HEG1: variants seen among roughly 807,000 people sequenced by gnomAD.
HEG1 encodes protein HEG homolog 1.
In HEG1, 56 loss-of-function variants were observed where a neutral mutation model predicts 125.6. The ratio of observed to expected loss-of-function variants is 0.45; its 90% CI spans 0.36 to 0.56. The LOEUF is 0.56. Ranked by LOEUF, HEG1 falls within the 20% of genes least tolerant of loss-of-function variation. HEG1 has a pLI of 0.00. For synonymous variants in HEG1, 644 were observed against 668.5 expected (o/e 0.96, Z 0.57); for missense variants, 1,523 against 1,670.0 (o/e 0.91, Z 1.53).
chr3:125,041,225 C>A (rs1299677745), intron 1 of HEG1, among the ~76,000 whole-genome samples: 1 of 152,166 alleles, frequency 6.6e-6, no homozygotes, highest in Non-Finnish European at 1.5e-5. Flanking sequence ...TTCATTCTGG[C>A]CAAAGTTACC....
intron 1 of HEG1, among the ~76,000 whole-genome samples, chr3:125,054,100 A>T (rs1937874525): frequency 6.6e-6 from 1 of 152,074 alleles, no homozygotes; most frequent in Non-Finnish European, 1.5e-5. Flanking sequence ...GTTTAGAAAA[A>T]CTCACAAAAT....
intron 2 of HEG1, among the ~76,000 whole-genome samples, chr3:125,027,812 C>T (rs1937440279): frequency 6.6e-6 from 1 of 152,162 alleles, no homozygotes; most frequent in African/African-American, 2.4e-5. Context: ...ATCCACATTC[C>T]ACCAGATTGG....
chr3:125,016,123 G>C (rs1250499451), intron 5 of HEG1, among the ~76,000 whole-genome samples: 1 of 152,176 alleles, frequency 6.6e-6, no homozygotes, highest in African/African-American at 2.4e-5. Context: ...TCTTGGATGG[G>C]GAGATCCTAA....
At chr3:125,040,103 C>T (rs143393389) in intron 1 of HEG1, among the ~76,000 whole-genome samples, 106 of 152,182 alleles carry the variant, frequency 7.0e-4, no homozygotes, top group East Asian at 4.4e-3. Flanking sequence ...GGAGCCATAA[C>T]GGAGAATGAG....
chr3:125,024,600 C>A (rs918897756), intron 3 of HEG1, among the ~76,000 whole-genome samples: 22 of 152,238 alleles, frequency 1.4e-4, no homozygotes, highest in African/African-American at 5.3e-4. Flanking sequence ...GGTTTCTGAT[C>A]TCTTTTTAAA....
At chr3:125,049,279 C>T (rs1937750513) in intron 1 of HEG1, among the ~76,000 whole-genome samples, 1 of 152,152 alleles carries the variant, frequency 6.6e-6, no homozygotes, top group Admixed American at 6.5e-5. Flanking sequence ...CTTCACAGAC[C>T]TCCACATATG....
chr3:125,024,108 G>C (rs1309090365), intron 3 of HEG1, among the ~76,000 whole-genome samples: 2 of 152,168 alleles, frequency 1.3e-5, no homozygotes, highest in African/African-American at 4.8e-5. Context: ...TTCATAAGTT[G>C]AGATACATTA....
chr3:125,028,302 C>T (rs2107707021), intron 2 of HEG1, among the ~76,000 whole-genome samples: 1 of 152,364 alleles, frequency 6.6e-6, no homozygotes, highest in Middle Eastern at 3.4e-3. Flanking sequence ...CTTGTTACCA[C>T]ACCAAATCTA....
At chr3:125,004,902 C>T (rs1016083918) in intron 9 of HEG1, among the ~76,000 whole-genome samples, 1 of 152,178 alleles carries the variant, frequency 6.6e-6, no homozygotes, top group Admixed American at 6.5e-5. Context: ...AGGAAAGTCA[C>T]ACAGCCTGTT....
At chr3:125,015,883 C>T (rs892841424) in intron 5 of HEG1, among the ~76,000 whole-genome samples, 2 of 152,128 alleles carry the variant, frequency 1.3e-5, no homozygotes, top group Non-Finnish European at 2.9e-5. Context: ...CATGGCCATG[C>T]TTTGATGGAA....
At chr3:125,004,199 G>A (rs1362876370) in intron 9 of HEG1, among the ~76,000 whole-genome samples, 1 of 152,180 alleles carries the variant, frequency 6.6e-6, no homozygotes, top group African/African-American at 2.4e-5. Flanking sequence ...AACTAGATCC[G>A]TATTTTACAC....
intron 5 of HEG1, among the ~76,000 whole-genome samples, chr3:125,016,193 T>TAG (rs1214668124): frequency 6.6e-6 from 1 of 151,842 alleles, no homozygotes; most frequent in Non-Finnish European, 1.5e-5. Context: ...CTTAACAAAG[T>TAG]AGAGAGAGAG....
At position 124,970,639 on chromosome 3, in the gene HEG1, C is replaced by G. The variant is rs371908358; in HGVS notation, c.*13G>C. On this transcript the variant is annotated 3_prime_UTR_variant, in exon 17 of 17. Coordinates refer to ENST00000311127, the MANE Select transcript of HEG1 (RefSeq NM_020733.2). ...GACTGGCTCAGAGCAATGAGTCCCTCTCTCTCCTGGACTTAAAAGTAGTCT... is the reference window on the plus strand; with the variant it reads ...GACTGGCTCAGAGCAATGAGTCCCTGTCTCTCCTGGACTTAAAAGTAGTCT... 1 of 1,588,350 alleles carries G rather than the reference C, an allele frequency of 6.3e-7. No individual in the cohort carries two copies. The highest frequency in any genetic ancestry group is 1.8e-5 in the Admixed American group (1 of 56,494).
intron 11 of HEG1, among the ~76,000 whole-genome samples, chr3:124,998,061 C>T (rs1936948885): frequency 6.6e-6 from 1 of 152,196 alleles, no homozygotes; most frequent in Non-Finnish European, 1.5e-5. Flanking sequence ...CCGTTGAAAA[C>T]ACCCTCACAG....
chr3:124,989,329 G>T (rs2107691360), intron 14 of HEG1, among the ~76,000 whole-genome samples: 1 of 152,288 alleles, frequency 6.6e-6, no homozygotes, highest in Admixed American at 6.5e-5. Flanking sequence ...TACCACTGGG[G>T]AATAGAAACT....
chr3:125,005,492 C>A, intron 8 of HEG1, 124 bp from the exon 9 acceptor site: 1 of 582,404 alleles, frequency 1.7e-6, no homozygotes, highest in Non-Finnish European at 3.0e-6. Flanking sequence ...GCATTTCTTT[C>A]TCCTTATGGG....
intron 11 of HEG1, among the ~76,000 whole-genome samples, chr3:125,001,148 T>C (rs1936992964): frequency 1.3e-5 from 2 of 152,064 alleles, no homozygotes; most frequent in African/African-American, 4.8e-5. Context: ...ACTGTGGGCA[T>C]TCTGGCCTCC....
At chr3:125,042,024 G>A (rs890006651) in intron 1 of HEG1, among the ~76,000 whole-genome samples, 2 of 152,212 alleles carry the variant, frequency 1.3e-5, no homozygotes, top group African/African-American at 2.4e-5. Flanking sequence ...AGATGGTGAC[G>A]ATGATTGCAA....
At chr3:124,973,949 A>C (rs2107685903) in intron 15 of HEG1, 44 bp from the exon 16 acceptor site, 1 of 1,346,684 alleles carries the variant, frequency 7.4e-7, no homozygotes, top group Middle Eastern at 1.8e-4. Context: ...TCCGTAAAGA[A>C]GTGATACTGT....
Sources: allele counts gnomAD v4.1 joint callset (sites outside exome capture counted in the v4.1 genomes callset), GRCh38; gene constraint gnomAD v4.1.1; transcripts MANE v1.5; gene names NCBI Gene and HGNC (gene_info 2026-07-23, HGNC 2026-07-21).